Variants in L3HYPDH observed in about 807,000 individuals in gnomAD.
The protein encoded by L3HYPDH is trans-3-hydroxy-L-proline dehydratase.
A neutral mutation model predicts 26.5 loss-of-function variants in L3HYPDH; 32 were observed. The ratio of observed to expected loss-of-function variants is 1.21; its 90% CI spans 0.91 to 1.62. L3HYPDH has a LOEUF of 1.62. Among genes scored for constraint, L3HYPDH ranks in the 40% most tolerant of loss-of-function variants. The probability of loss-of-function intolerance (pLI) is 0.00; values close to 1 mark genes in which losing one functional copy is unlikely to be tolerated. For missense variants in L3HYPDH, 554 were observed against 476.4 expected (o/e 1.16, Z -1.52); for synonymous variants, 215 against 196.6 (o/e 1.09, Z -0.78).
chr14:59,475,965 A>G lies in L3HYPDH; in HGVS notation c.843T>C (p.Ile281=), dbSNP rs1456802899. 1 of 1,613,876 alleles carries G rather than the reference A, an allele frequency of 6.2e-7. No homozygotes were observed. Among genetic ancestry groups the G allele is most frequent in the African/African-American group, 1.3e-5 (1 of 74,916 alleles). Residue 281 remains isoleucine, a synonymous_variant, in exon 4 of 5, where the codon ATT becomes ATC. Transcript: ENST00000247194. ...SPTGSGVTAR[I]ALQYHKGLLE... is the part of the protein sequence containing the mutation. Reference sequence around the variant, plus strand: ...GAAGCCCTTTGTGATACTGTAAGGCAATTCGGGCTGTCACTCCTGAGCCAG... The same window carrying G: ...GAAGCCCTTTGTGATACTGTAAGGCGATTCGGGCTGTCACTCCTGAGCCAG...
chr14:59,492,570 C>T, the L3HYPDH span, among the ~76,000 whole-genome samples: 11 of 152,288 alleles, frequency 7.2e-5, no homozygotes, highest in African/African-American at 2.6e-4. Context: ...ATTTATGGTT[C>T]TCCCCAGTCG....
the L3HYPDH span, chr14:59,495,013 T>C: frequency 3.1e-6 from 5 of 1,610,714 alleles, no homozygotes; most frequent in South Asian, 2.2e-5. Context: ...CTTTTCCTTC[T>C]CTAGTTCCAG....
chr14:59,481,908 G>A (rs143614934), intron 1 of L3HYPDH, among the ~76,000 whole-genome samples: 2 of 152,244 alleles, frequency 1.3e-5, no homozygotes, highest in East Asian at 1.9e-4. Flanking sequence ...CCACGTATGG[G>A]GAGTTCCTGG....
At chr14:59,493,188 C>T in the L3HYPDH span, among the ~76,000 whole-genome samples, 2 of 152,084 alleles carry the variant, frequency 1.3e-5, no homozygotes, top group Non-Finnish European at 2.9e-5. Flanking sequence ...GAAAACACAT[C>T]CCAAGCAGAA....
rs748305023 is a variant in L3HYPDH, at chr14:59,473,001, A to T, written c.1029T>A (p.Asp343Glu). The T allele has an allele frequency of 1.9e-6, 3 of 1,608,182 alleles. No homozygotes were observed. Among genetic ancestry groups the T allele is most frequent in the Admixed American group, 1.7e-5 (1 of 58,718 alleles). ...GAAATCCATCCCTCAATGGGTCGTC[A>T]TCTTCTATTATAAAGCTTGCTGTAC... ...YTGTASFIIE[D>E]DDPLRDGFLL... is the part of the protein sequence containing the mutation. The change falls in exon 5 of 5, where the codon GAT becomes GAA. Residue 343 changes from aspartate to glutamate, a missense_variant. Transcript: ENST00000247194.
chr14:59,484,988 A>G (rs867688217), upstream of L3HYPDH: 15 of 1,575,796 alleles, frequency 9.5e-6, no homozygotes, highest in Admixed American at 2.1e-4. Flanking sequence ...CCTCAAACGT[A>G]GATTTATAGC....
upstream of L3HYPDH, chr14:59,486,913 A>G (rs1190436038): frequency 3.3e-5 from 27 of 810,288 alleles, no homozygotes; most frequent in Non-Finnish European, 4.9e-5. Context: ...ATAAAAGAAT[A>G]TGGAGGACCA....
chr14:59,497,489 A>G, the L3HYPDH span, among the ~76,000 whole-genome samples: 7 of 152,166 alleles, frequency 4.6e-5, no homozygotes, highest in African/African-American at 1.7e-4. Flanking sequence ...ATTAAAGTGA[A>G]TCTTTTTGGA....
At chr14:59,505,103 TTGG>T in the L3HYPDH span, 1 of 447,758 alleles carries the variant, frequency 2.2e-6, no homozygotes, top group African/African-American at 2.0e-5. Context: ...TTACTGATAC[TTGG>T]TGGAGGTTGT....
the L3HYPDH span, among the ~76,000 whole-genome samples, chr14:59,495,722 T>C: frequency 2.0e-5 from 3 of 152,182 alleles, no homozygotes; most frequent in African/African-American, 7.2e-5. Flanking sequence ...AAAGGGAAAA[T>C]AGAAGTCTGG....
chr14:59,475,753 T>A lies in L3HYPDH; in HGVS notation c.939+116A>T, dbSNP rs907471029. On this transcript the variant is annotated intron_variant, in intron 4 of 4. Coordinates refer to ENST00000247194, the MANE Select transcript of L3HYPDH (RefSeq NM_144581.2). Reference sequence around the variant, plus strand: ...AGTTGAAAAGAAGTTTTTACAGGCCTGCTTTAAAATTCTCTTCTGAGAGCT... The same window carrying A: ...AGTTGAAAAGAAGTTTTTACAGGCCAGCTTTAAAATTCTCTTCTGAGAGCT... 6.2e-6 allele frequency: 7 copies of A among 1,136,170 alleles called. No individual in the cohort carries two copies. The African/African-American group carries it at 1.1e-4, about 18-fold the overall frequency. The allele number at this position is 1,136,170 out of a possible 1,614,324, so 70.4% of individuals were successfully genotyped here.
the L3HYPDH span, among the ~76,000 whole-genome samples, chr14:59,494,186 A>C: frequency 6.6e-6 from 1 of 152,092 alleles, no homozygotes; most frequent in South Asian, 2.1e-4. Flanking sequence ...AAAACATTTA[A>C]ACTGCTAAGT....
At chr14:59,490,173 C>A in the L3HYPDH span, among the ~76,000 whole-genome samples, 2 of 152,270 alleles carry the variant, frequency 1.3e-5, no homozygotes, top group Non-Finnish European at 2.9e-5. Flanking sequence ...CCTCCTGCCT[C>A]AGCCTCCCAA....
chr14:59,498,624 T>C, the L3HYPDH span: 3 of 665,752 alleles, frequency 4.5e-6, no homozygotes, highest in Non-Finnish European at 7.3e-6. Flanking sequence ...AGAGTAAATA[T>C]GCTTTTTAAA....
upstream of L3HYPDH, chr14:59,484,888 G>T: frequency 7.5e-7 from 1 of 1,333,148 alleles, no homozygotes; most frequent in African/African-American, 1.5e-5. Context: ...CTTGCTTGAG[G>T]GTTGACTTCG....
chr14:59,495,058 T>C, the L3HYPDH span: 1 of 1,613,876 alleles, frequency 6.2e-7, no homozygotes, highest in Non-Finnish European at 8.5e-7. Context: ...ATTATTTGAA[T>C]GCAGCATGGC....
In L3HYPDH at chr14:59,483,875, A is replaced by C. The variant is rs1425880427; in HGVS notation, c.442T>G (p.Cys148Gly). 7.0e-6 allele frequency: 11 copies of C among 1,578,736 alleles called. No individual in the cohort carries two copies. Among genetic ancestry groups the C allele is most frequent in the East Asian group, 2.3e-5 (1 of 43,482 alleles). The change falls in exon 1 of 5, where the codon TGC becomes GGC. Residue 148 changes from cysteine (C) to glycine (G), a missense_variant. Transcript: ENST00000247194. ...PCGLVTAFVA[C>G]EDGRSHGPVR... The stretch of plus-strand genomic sequence containing the variant: ...GGTCCGTGGCTGCGGCCGTCCTCGC[A>C]TGCCACGAAGGCGGTCACCAGCCCG...
rs746888775 is a variant in L3HYPDH, at chr14:59,484,088, C to T, written c.229G>A (p.Gly77Arg). The T allele has an allele frequency of 5.0e-6, 8 of 1,606,602 alleles. No individual in the cohort carries two copies. Among genetic ancestry groups the T allele is most frequent in the Non-Finnish European group, 6.8e-6 (8 of 1,179,462 alleles). ...FEPRGHRDMY[G>R]AVLVPSELPD... Reference sequence around the variant, plus strand: ...AGCTCGCTCGGGACTAGGACCGCCCCGTACATGTCCCGGTGCCCTCGGGGC... The same window carrying T: ...AGCTCGCTCGGGACTAGGACCGCCCTGTACATGTCCCGGTGCCCTCGGGGC... The change falls in exon 1 of 5, where the codon GGG becomes AGG. Residue 77 changes from glycine (G) to arginine (R), a missense_variant. By Grantham distance (125) the Gly-to-Arg change is moderately radical. Coordinates refer to ENST00000247194, the MANE Select transcript of L3HYPDH (RefSeq NM_144581.2).
At chr14:59,498,651 T>C in the L3HYPDH span, 1 of 829,254 alleles carries the variant, frequency 1.2e-6, no homozygotes, top group African/African-American at 1.8e-5. Flanking sequence ...TTAGGCTCTT[T>C]CATTTAAAAA....
Sources: allele counts gnomAD v4.1 joint callset (sites outside exome capture counted in the v4.1 genomes callset), GRCh38; gene constraint gnomAD v4.1.1; transcripts MANE v1.5; gene names NCBI Gene and HGNC (gene_info 2026-07-23, HGNC 2026-07-21).